PHLDB1: variants seen among roughly 807,000 people sequenced by gnomAD.
PHLDB1 encodes the protein pleckstrin homology-like domain family B member 1.
A neutral mutation model predicts 139.3 loss-of-function variants in PHLDB1; 65 were observed. The ratio of observed to expected loss-of-function variants is 0.47; its 90% CI spans 0.38 to 0.57. The LOEUF is 0.57. Among genes scored for constraint, PHLDB1 ranks in the 20% least tolerant of loss-of-function variants. The probability of loss-of-function intolerance (pLI) is 0.00; values close to 1 mark genes in which losing one functional copy is unlikely to be tolerated. For missense variants in PHLDB1, 1,624 were observed against 1,839.7 expected (o/e 0.88, Z 2.14); for synonymous variants, 679 against 734.5 (o/e 0.92, Z 1.22).
chr11:118,619,897 G>C (rs1555093023), intron 4 of PHLDB1, among the ~76,000 whole-genome samples: 1 of 152,184 alleles, frequency 6.6e-6, no homozygotes, highest in Non-Finnish European at 1.5e-5. Flanking sequence ...TAAGTGAAAG[G>C]AAAGCTATGC....
chr11:118,632,627 A>G lies in PHLDB1; in HGVS notation c.2379+331A>G. 1 of 279,788 alleles carries G rather than the reference A, an allele frequency of 3.6e-6. No individual in the cohort carries two copies. The highest frequency in any genetic ancestry group is 6.7e-6 in the Non-Finnish European group (1 of 148,632). The allele number at this position is 279,788 out of a possible 1,614,324, so 17.3% of individuals were successfully genotyped here. On this transcript the variant is annotated intron_variant, in intron 9 of 22. Transcript: ENST00000600882. The surrounding 1 kb of genome is among the most constrained non-coding windows in gnomAD (Gnocchi z 5.9). ...AGTGAGCACAGCCCAAGGGACTGACATTGGGGAGTGATTCAAGTTCGGGTC... is the reference window on the plus strand; with the variant it reads ...AGTGAGCACAGCCCAAGGGACTGACGTTGGGGAGTGATTCAAGTTCGGGTC...
At chr11:118,629,965 C>A in intron 6 of PHLDB1, 1 of 1,272,062 alleles carries the variant, frequency 7.9e-7, no homozygotes, top group Non-Finnish European at 1.0e-6. Flanking sequence ...GGCTGCTTAT[C>A]TGGGTCCTGG....
intron 17 of PHLDB1, chr11:118,646,693 G>A (rs1458903847): frequency 6.6e-6 from 1 of 152,220 alleles, no homozygotes; most frequent in African/African-American, 2.4e-5. Context: ...CTGATGAAAT[G>A]TGTGCCTAGG....
rs1281198946 is a variant in PHLDB1, at chr11:118,620,554, C to T, written c.355+4343C>T. Among the ~76,000 whole-genome samples, 1 of 151,776 alleles carries T rather than the reference C, an allele frequency of 6.6e-6. No homozygotes were observed. Among genetic ancestry groups the T allele is most frequent in the Non-Finnish European group, 1.5e-5 (1 of 68,036 alleles). On this transcript the variant is annotated intron_variant, in intron 4 of 22. Coordinates refer to ENST00000600882, the MANE Select transcript of PHLDB1 (RefSeq NM_001144758.3). The surrounding 1 kb of genome is among the most constrained non-coding windows in gnomAD (Gnocchi z 4.1). Reference sequence around the variant, plus strand: ...GACTCAGAATCTCAGCCTGACTTTGCGGGCTCCAGATATCTGTTTCCCAAG... The same window carrying T: ...GACTCAGAATCTCAGCCTGACTTTGTGGGCTCCAGATATCTGTTTCCCAAG...
At chr11:118,626,527 G>T (rs879949854) in intron 5 of PHLDB1, among the ~76,000 whole-genome samples, 40 of 152,206 alleles carry the variant, frequency 2.6e-4, no homozygotes, top group Non-Finnish European at 5.1e-4. Context: ...GGGACTACAG[G>T]TGCATGCCAC....
intron 4 of PHLDB1, among the ~76,000 whole-genome samples, chr11:118,623,786 C>T (rs1943281944): frequency 6.6e-6 from 1 of 152,012 alleles, no homozygotes; most frequent in Non-Finnish European, 1.5e-5. Context: ...CAGACTGACT[C>T]TTCTACCCTT....
intron 17 of PHLDB1, among the ~76,000 whole-genome samples, chr11:118,646,090 C>G (rs1228408644): frequency 2.0e-5 from 3 of 152,064 alleles, no homozygotes; most frequent in African/African-American, 7.2e-5. Context: ...GAAACCCCGT[C>G]TCTACTGAAA....
Position 118,646,088 on chromosome 11 carries a change from G to A in PHLDB1, c.3507+263G>A, listed in dbSNP as rs528032158. On this transcript the variant is annotated intron_variant, in intron 17 of 22. Transcript: ENST00000600882. Reference sequence around the variant, plus strand: ...ATCCTGGCTAACACGGTGAAACCCCGTCTCTACTGAAAATACAAAAAATTA... The same window carrying A: ...ATCCTGGCTAACACGGTGAAACCCCATCTCTACTGAAAATACAAAAAATTA... 9.9e-5 allele frequency among the ~76,000 whole-genome samples: 15 copies of A among 152,090 alleles called. No homozygotes were observed. In the South Asian group the frequency reaches 2.3e-3, roughly 23 times the overall value.
At chr11:118,644,759 G>A (rs1301050937) in intron 15 of PHLDB1, 2 of 1,069,906 alleles carry the variant, frequency 1.9e-6, no homozygotes, top group African/African-American at 1.6e-5. Context: ...AGCATGATGT[G>A]TCCTGCCCAG....
Position 118,645,635 on chromosome 11 carries a change from C to T in PHLDB1, c.3401C>T (p.Pro1134Leu). Reference sequence around the variant, plus strand: ...ACCGGGGGCAACTCGGCCTGCTCCCCTGACAACATGTCCAGGTACACCCGA... The same window carrying T: ...ACCGGGGGCAACTCGGCCTGCTCCCTTGACAACATGTCCAGGTACACCCGA... ...ISTGGNSACSPDNMSSASGLD... is the reference protein window; with the variant it reads ...ISTGGNSACSLDNMSSASGLD... Residue 1134 changes from proline (P) to leucine (L), a missense_variant, in exon 16 of 23, where the codon CCT (proline) becomes CTT (leucine). Pro to Leu is a moderately conservative substitution (Grantham distance 98). Transcript: ENST00000600882. This position sits in a 1 kb window ranked among gnomAD's most constrained non-coding sequence, Gnocchi z 5.1. 6.2e-7 allele frequency: 1 copy of T among 1,613,176 alleles called. No individual in the cohort carries two copies. The highest frequency in any genetic ancestry group is 8.5e-7 in the Non-Finnish European group (1 of 1,179,312).
intron 1 of PHLDB1, among the ~76,000 whole-genome samples, chr11:118,609,451 TCA>T (rs1939746119): frequency 9.7e-6 from 1 of 102,824 alleles, no homozygotes; most frequent in Admixed American, 9.9e-5. Flanking sequence ...ACGCAGCCCG[TCA>T]CACAGCCCCA....
upstream of PHLDB1, chr11:118,606,670 A>C (rs1939314651): frequency 6.6e-6 from 1 of 152,244 alleles, no homozygotes; most frequent in South Asian, 2.1e-4. Flanking sequence ...CTGGCTTTGC[A>C]AGGTAAGGAT....
chr11:118,632,933 AT>A lies in PHLDB1; in HGVS notation c.2379+643del. On this transcript the variant is annotated intron_variant, in intron 9 of 22. Coordinates refer to ENST00000600882, the MANE Select transcript of PHLDB1 (RefSeq NM_001144758.3). The surrounding 1 kb of genome is among the most constrained non-coding windows in gnomAD (Gnocchi z 5.9). ...TCCAATAATTTAATTTTCCTTCTGGATTTTTTGAGTTTCTTCCTCCTGCCCT... is the reference window on the plus strand; with the variant it reads ...TCCAATAATTTAATTTTCCTTCTGGATTTTTGAGTTTCTTCCTCCTGCCCT... The A allele has an allele frequency of 1.4e-6, 1 of 693,398 alleles. No individual in the cohort carries two copies. The highest frequency in any genetic ancestry group is 1.9e-5 in the African/African-American group (1 of 51,322). 43.0% of individuals were successfully genotyped at this position (693,398 alleles called of 1,614,324 possible).
In PHLDB1 at chr11:118,624,755, G is replaced by A. The variant is rs575207670; in HGVS notation, c.356-179G>A. 134 of 584,756 alleles carry A rather than the reference G, an allele frequency of 2.3e-4. No homozygotes were observed. The East Asian group carries it at 2.7e-3, about 12-fold the overall frequency. The allele number at this position is 584,756 out of a possible 1,614,324, so 36.2% of individuals were successfully genotyped here. On this transcript the variant is annotated intron_variant, in intron 4 of 22. Transcript: ENST00000600882. Reference sequence around the variant, plus strand: ...TAGCTGGGATTATGGGATTACAGGCGTCCACCACCACACCCGGCTAATTTT... The same window carrying A: ...TAGCTGGGATTATGGGATTACAGGCATCCACCACCACACCCGGCTAATTTT...
In PHLDB1 at chr11:118,620,492, CA is replaced by C. The variant is rs1404123749; in HGVS notation, c.355+4288del. ...GGGCAACAAGAATGAAACTCCATCT[CA>C]AAAAAACAGAACAAAACAAAACAAA... On this transcript the variant is annotated intron_variant, in intron 4 of 22. Transcript: ENST00000600882. The surrounding 1 kb of genome is among the most constrained non-coding windows in gnomAD (Gnocchi z 4.1). 6.6e-6 allele frequency among the ~76,000 whole-genome samples: 1 copy of C among 152,020 alleles called. No homozygotes were observed. The highest frequency in any genetic ancestry group is 1.5e-5 in the Non-Finnish European group (1 of 67,992).
rs1555093846 is a variant in PHLDB1 at position 118,620,555 on chromosome 11, G to A, written c.355+4344G>A. ...ACTCAGAATCTCAGCCTGACTTTGC[G>A]GGCTCCAGATATCTGTTTCCCAAGT... On this transcript the variant is annotated intron_variant, in intron 4 of 22. Transcript: ENST00000600882. The surrounding 1 kb of genome is among the most constrained non-coding windows in gnomAD (Gnocchi z 4.1). Among the ~76,000 whole-genome samples the A allele has an allele frequency of 6.6e-6, 1 of 151,864 alleles. No individual in the cohort carries two copies. The highest frequency in any genetic ancestry group is 2.4e-5 in the African/African-American group (1 of 41,156).
At chr11:118,641,555 C>A in intron 12 of PHLDB1, 1 of 1,069,504 alleles carries the variant, frequency 9.4e-7, no homozygotes, top group Non-Finnish European at 1.2e-6. Flanking sequence ...AGGGCCATCT[C>A]ATGTGTTCTG....
At chr11:118,615,110 G>A (rs149287762) in intron 3 of PHLDB1, 398 of 157,502 alleles carry the variant, frequency 2.5e-3, no homozygotes, top group African/African-American at 9.2e-3. Flanking sequence ...CAGAAGAATC[G>A]CTTGAACCCA....
chr11:118,644,024 G>A (rs2136682863), intron 14 of PHLDB1, 48 bp from the exon 15 acceptor site: 3 of 1,606,780 alleles, frequency 1.9e-6, no homozygotes, highest in African/African-American at 1.3e-5. Context: ...TTGGGAATGG[G>A]GGTAAGGGCC....
Sources: allele counts gnomAD v4.1 joint callset (sites outside exome capture counted in the v4.1 genomes callset), GRCh38; gene constraint gnomAD v4.1.1; non-coding constraint Gnocchi (gnomAD v3.1); transcripts MANE v1.5; gene names NCBI Gene and HGNC (gene_info 2026-07-23, HGNC 2026-07-21).